The following HSPD1 variants were observed in gnomAD, a reference collection of about 807,000 sequenced individuals.
HSPD1 encodes the protein 60 kDa heat shock protein, mitochondrial.
Under a neutral mutation model 53.0 loss-of-function variants are expected in HSPD1, and 3 were observed. That is an observed-to-expected ratio of 0.06 (90% CI 0.03 to 0.15). The LOEUF is 0.15. HSPD1 is among the 10% of genes least tolerant of loss of function. The probability of loss-of-function intolerance (pLI) is 1.00; values close to 1 mark genes in which losing one functional copy is unlikely to be tolerated. For missense variants in HSPD1, 431 were observed against 694.1 expected (o/e 0.62, Z 4.26); for synonymous variants, 200 against 228.0 (o/e 0.88, Z 1.10).
intron 1 of HSPD1, 119 bp from the exon 2 acceptor site, chr2:197,498,969 C>G: frequency 1.1e-6 from 1 of 897,706 alleles, no homozygotes. Context: ...TGACCTCCGC[C>G]AGCCACTACG....
intron 7 of HSPD1, chr2:197,490,498 A>G: frequency 1.7e-6 from 1 of 586,466 alleles, no homozygotes; most frequent in Non-Finnish European, 3.0e-6. Context: ...GCTATTTTCT[A>G]TTAATTATAC....
intron 7 of HSPD1, among the ~76,000 whole-genome samples, chr2:197,492,146 GTCTC>G (rs1049333737): frequency 1.3e-5 from 2 of 152,010 alleles, no homozygotes; most frequent in African/African-American, 4.8e-5. Flanking sequence ...GACAGAGTCT[GTCTC>G]TCAAAATAAA....
intron 7 of HSPD1, chr2:197,490,556 C>T (rs932986643): frequency 2.3e-6 from 1 of 435,628 alleles, no homozygotes; most frequent in East Asian, 4.7e-5. Flanking sequence ...CCTGGCCGGG[C>T]GTGGTGACTC....
At chr2:197,494,360 G>A (rs897796933) in intron 5 of HSPD1, 110 bp from the exon 6 acceptor site, 17 of 719,660 alleles carry the variant, frequency 2.4e-5, no homozygotes, top group Non-Finnish European at 4.3e-5. Context: ...ATGCAGGGTA[G>A]AGTATGAAAC....
At chr2:197,499,051 G>A (rs1413187538) in intron 1 of HSPD1, 3 of 634,460 alleles carry the variant, frequency 4.7e-6, no homozygotes, top group Admixed American at 2.7e-5. Flanking sequence ...CGCCCCGGCC[G>A]GCGCCTGACC....
chr2:197,499,606 G>A (rs1381037959), intron 1 of HSPD1, among the ~76,000 whole-genome samples, 176 bp downstream of exon 1: 4 of 152,184 alleles, frequency 2.6e-5, no homozygotes, highest in Non-Finnish European at 4.4e-5. Context: ...CGCGTCGCAC[G>A]TGATGGAACC....
intron 7 of HSPD1, among the ~76,000 whole-genome samples, chr2:197,491,119 C>T (rs1445614704): frequency 6.6e-6 from 1 of 151,574 alleles, no homozygotes; most frequent in East Asian, 1.9e-4. Context: ...CACTTTTCAA[C>T]TAGCAGTAAA....
Position 197,494,709 on chromosome 2 carries a change from A to G in HSPD1, c.554T>C (p.Ile185Thr). Residue 185 changes from isoleucine (I) to threonine (T), a missense_variant, in exon 5 of 12, where the codon ATC becomes ACC. By Grantham distance (89) the Ile-to-Thr change is moderately conservative. Around this residue, in one of 2 missense-constraint regions of HSPD1, gnomAD observed 386 missense variants for 657.6 expected, o/e 0.59. Coordinates refer to ENST00000388968, the MANE Select transcript of HSPD1 (RefSeq NM_002156.5). ...SANGDKEIGN[I>T]ISDAMKKVGR... Reference sequence around the variant, plus strand: ...AACTTTTTTCATTGCATCAGAGATGATATTGCCAATTTCTTTGTCTCCGTT... The same window carrying G: ...AACTTTTTTCATTGCATCAGAGATGGTATTGCCAATTTCTTTGTCTCCGTT... 1.2e-6 allele frequency: 2 copies of G among 1,613,218 alleles called. No individual in the cohort carries two copies. The highest frequency in any genetic ancestry group is 1.7e-6 in the Non-Finnish European group (2 of 1,179,224).
intron 1 of HSPD1, chr2:197,499,231 GAC>G: frequency 2.9e-6 from 1 of 342,358 alleles, no homozygotes. Flanking sequence ...AAATCCAAGT[GAC>G]CAGGGAAGTT....
In HSPD1 at chr2:197,494,667, A is replaced by G. The variant is rs1422576589; in HGVS notation, c.596T>C (p.Ile199Thr). ...AMKKVGRKGV[I>T]TVKDGKTLND... ...TACAAACACACTTGCCTTTACTGTG[A>G]TGACACCCTTTCTTCCAACTTTTTT... Residue 199 changes from isoleucine (I) to threonine (T), a missense_variant, in exon 5 of 12, where the codon ATC becomes ACC. Transcript: ENST00000388968. 2.5e-6 allele frequency: 4 copies of G among 1,595,908 alleles called. No homozygotes were observed. The highest frequency in any genetic ancestry group is 3.4e-6 in the Non-Finnish European group (4 of 1,163,572).
chr2:197,491,444 G>A (rs1348632919), intron 7 of HSPD1, among the ~76,000 whole-genome samples: 1 of 152,092 alleles, frequency 6.6e-6, no homozygotes, highest in Non-Finnish European at 1.5e-5. Context: ...ACAGGCATGA[G>A]TCACCACGCC....
rs550968901 is a variant in HSPD1 at position 197,495,337 on chromosome 2, T to C, written c.467A>G (p.Lys156Arg). The change falls in exon 4 of 12, where the codon AAA becomes AGA. Residue 156 changes from lysine to arginine, a missense_variant. This residue lies in a region of HSPD1 where 386 missense variants were observed against 657.6 expected (regional missense o/e 0.59). Coordinates refer to ENST00000388968, the MANE Select transcript of HSPD1 (RefSeq NM_002156.5). ...LAVDAVIAEL[K>R]KQSKPVTTPE... ...GGTGGTCACAGGTTTAGACTGCTTT[T>C]TAAGTTCAGCAATTACAGCATCAAC... 104 of 1,611,532 alleles carry C rather than the reference T, an allele frequency of 6.5e-5. No individual in the cohort carries two copies. In the South Asian group the frequency reaches 1.1e-3, roughly 17 times the overall value.
chr2:197,495,240 T>C, intron 4 of HSPD1, 54 bp downstream of exon 4: 1 of 988,550 alleles, frequency 1.0e-6, no homozygotes, highest in Admixed American at 1.7e-5. Flanking sequence ...AAAAAAAAAA[T>C]CACACATGCC....
intron 7 of HSPD1, among the ~76,000 whole-genome samples, chr2:197,492,734 G>T (rs952260835): frequency 6.6e-6 from 1 of 151,352 alleles, no homozygotes; most frequent in Admixed American, 6.6e-5. Context: ...TTACAAGGCC[G>T]GGCGCAGTGG....
chr2:197,494,501 CTA>C, intron 5 of HSPD1, 154 bp downstream of exon 5: 1 of 649,574 alleles, frequency 1.5e-6, no homozygotes. Context: ...GTACTTTATT[CTA>C]TACATGTGCT....
intron 9 of HSPD1, among the ~76,000 whole-genome samples, 167 bp from the exon 10 acceptor site, chr2:197,488,658 C>A (rs957212794): frequency 6.6e-6 from 1 of 152,172 alleles, no homozygotes; most frequent in Non-Finnish European, 1.5e-5. Context: ...CACTTGAGGT[C>A]AGGAGTTTGA....
Position 197,490,581 on chromosome 2 carries a change from G to A in HSPD1, c.870-285C>T, listed in dbSNP as rs191115061. 1.2e-3 allele frequency: 475 copies of A among 389,084 alleles called. 10 individuals are homozygous for A. Among genetic ancestry groups the A allele is most frequent in the South Asian group, 7.9e-3 (339 of 42,802 alleles). 24.1% of individuals were successfully genotyped at this position (389,084 alleles called of 1,614,324 possible). A position where few individuals can be genotyped will look rare whatever the true frequency, so the allele number is the denominator to read the frequency against. ...CGTGGTGACTCAGGCCTGTAATCCC[G>A]GCACTTTGCAAGGCCCAGGCAGGTG... On this transcript the variant is annotated intron_variant, in intron 7 of 11. Coordinates refer to ENST00000388968, the MANE Select transcript of HSPD1 (RefSeq NM_002156.5).
chr2:197,486,872 A>C lies in HSPD1; in HGVS notation c.*174T>G. ...ATCTGTAGGCATGGACAATGACAGC[A>C]GTAAACCATTATATATTTTGTCAAC... On this transcript the variant is annotated 3_prime_UTR_variant, in exon 12 of 12. Transcript: ENST00000388968. The C allele has an allele frequency of 1.7e-6, 1 of 605,234 alleles. No individual in the cohort carries two copies. Among genetic ancestry groups the C allele is most frequent in the South Asian group, 2.0e-5 (1 of 50,622 alleles). 37.5% of individuals were successfully genotyped at this position (605,234 alleles called of 1,614,324 possible). A position where few individuals can be genotyped will look rare whatever the true frequency, so the allele number is the denominator to read the frequency against.
At chr2:197,495,137 T>C in intron 4 of HSPD1, 157 bp downstream of exon 4, 1 of 653,846 alleles carries the variant, frequency 1.5e-6, no homozygotes, top group East Asian at 2.7e-5. Flanking sequence ...ATTATGGTCA[T>C]AATTCTTTTC....
Sources: gnomAD v4.1 joint callset for allele counts (sites outside exome capture counted in the v4.1 genomes callset) on GRCh38, gnomAD v4.1.1 for gene constraint, gnomAD v4.1.1 regional missense constraint, MANE v1.5 for transcripts, NCBI Gene and HGNC (gene_info 2026-07-23, HGNC 2026-07-21) for gene names.